Variants in OPHN1 observed in about 807,000 individuals in gnomAD.
OPHN1 encodes the protein oligophrenin 1.
In OPHN1, 11 loss-of-function variants were observed where a neutral mutation model predicts 60.7. The ratio of observed to expected loss-of-function variants is 0.18; its 90% CI spans 0.11 to 0.30. The LOEUF is 0.30. Ranked by LOEUF, OPHN1 falls within the 10% of genes least tolerant of loss-of-function variation. OPHN1 has a pLI of 1.00. For synonymous variants in OPHN1, 226 were observed against 222.6 expected, an observed-to-expected ratio of 1.02 and a Z score of -0.14; for missense variants, 449 against 611.0, an observed-to-expected ratio of 0.73 and a Z score of 2.80.
In OPHN1 at chrX:68,182,764, T is replaced by C. The variant is rs758115232; in HGVS notation, c.1276+10155A>G. 8.1e-5 allele frequency among the ~76,000 whole-genome samples: 9 copies of C among 110,956 alleles called. No individual in the cohort carries two copies. The South Asian group carries it at 3.5e-3, about 43-fold the overall frequency. On this transcript the variant is annotated intron_variant, in intron 15 of 24. Transcript: ENST00000355520. Reference sequence around the variant, plus strand: ...TGTTTCTACCAAAAAATACAAAAATTATCCAGGCCTGGTGGCGGGTGCCTG... The same window carrying C: ...TGTTTCTACCAAAAAATACAAAAATCATCCAGGCCTGGTGGCGGGTGCCTG...
chrX:68,063,213 A>C (rs555669040), intron 21 of OPHN1, among the ~76,000 whole-genome samples: 75 of 111,034 alleles, frequency 6.8e-4, no homozygotes, highest in Middle Eastern at 4.7e-3. Context: ...AACAAACAAA[A>C]AAAAAAACAG....
At chrX:68,133,128 G>T (rs778566946) in intron 15 of OPHN1, 71 of 608,979 alleles carry the variant, frequency 1.2e-4, no homozygotes, top group Non-Finnish European at 1.6e-4. Flanking sequence ...CGTTATCAGA[G>T]GTGGAGACAT....
At chrX:68,165,337 A>C (rs775410912) in intron 15 of OPHN1, among the ~76,000 whole-genome samples, 2 of 111,682 alleles carry the variant, frequency 1.8e-5, no homozygotes, top group African/African-American at 6.5e-5. Flanking sequence ...CATTTCATTT[A>C]AAGTGAGAGA....
At chrX:68,333,990 C>T (rs926819751) in intron 2 of OPHN1, among the ~76,000 whole-genome samples, 2 of 107,950 alleles carry the variant, frequency 1.9e-5, no homozygotes, top group Non-Finnish European at 3.8e-5. Flanking sequence ...CTCTGCCTCC[C>T]GGGATCAAGC....
chrX:68,115,384 C>T (rs1315830446), intron 16 of OPHN1, among the ~76,000 whole-genome samples: 2 of 111,993 alleles, frequency 1.8e-5, no homozygotes, highest in African/African-American at 6.5e-5. Context: ...TTTCAGTTTT[C>T]AGTTGTTCTA....
chrX:68,370,943 C>T (rs1237660856), intron 2 of OPHN1, among the ~76,000 whole-genome samples: 3 of 111,235 alleles, frequency 2.7e-5, no homozygotes, highest in South Asian at 7.5e-4. Flanking sequence ...AGGCAGTAAT[C>T]GAGAAAATGA....
intron 2 of OPHN1, among the ~76,000 whole-genome samples, chrX:68,341,966 G>GTT (rs2078354408): frequency 1.0e-5 from 1 of 99,383 alleles, no homozygotes. Flanking sequence ...TTAATTTTTG[G>GTT]TGTTTTTTTT....
At chrX:68,117,596 G>A (rs1474112433) in intron 16 of OPHN1, among the ~76,000 whole-genome samples, 2 of 111,428 alleles carry the variant, frequency 1.8e-5, no homozygotes, top group Admixed American at 9.6e-5. Flanking sequence ...TTACATACTC[G>A]GAAAAAGAGC....
chrX:68,149,268 A>G (rs1054863224), intron 15 of OPHN1, among the ~76,000 whole-genome samples: 3 of 111,863 alleles, frequency 2.7e-5, no homozygotes, highest in African/African-American at 9.8e-5. Flanking sequence ...AGTCAAAATA[A>G]CAATTATCAC....
chrX:68,069,810 G>C (rs749250674), intron 20 of OPHN1, among the ~76,000 whole-genome samples: 2 of 111,101 alleles, frequency 1.8e-5, no homozygotes, highest in Non-Finnish European at 3.8e-5. Context: ...GCCTTGTGAA[G>C]TTCTGGAGGA....
intron 15 of OPHN1, among the ~76,000 whole-genome samples, chrX:68,166,495 C>T (rs1297779161): frequency 9.0e-6 from 1 of 111,589 alleles, no homozygotes; most frequent in Non-Finnish European, 1.9e-5. Context: ...AATTGCACCA[C>T]TGCACTCCAG....
chrX:68,274,794 C>A lies in OPHN1; in HGVS notation c.328G>T (p.Asp110Tyr). ...ERMMMVHNAS[D>Y]LLIKPLENFR... ...TTTTCCAAGGGTTTAATCAGCAAAT[C>A]ACTAGCATTGTGTACCTAGACAAAA... is the stretch of plus-strand genomic sequence containing the variant. Residue 110 changes from aspartate to tyrosine, a missense_variant, in exon 5 of 25, where the codon GAT becomes TAT. Asp to Tyr is a radical substitution (Grantham distance 160). Coordinates refer to ENST00000355520, the MANE Select transcript of OPHN1 (RefSeq NM_002547.3). 8.3e-7 allele frequency: 1 copy of A among 1,201,591 alleles called. No individual in the cohort carries two copies. The highest frequency in any genetic ancestry group is 1.8e-5 in the South Asian group (1 of 56,643).
chrX:68,280,841 T>A (rs1923522813), intron 4 of OPHN1, among the ~76,000 whole-genome samples: 1 of 111,320 alleles, frequency 9.0e-6, no homozygotes, highest in Non-Finnish European at 1.9e-5. Flanking sequence ...TTAAAATAAT[T>A]AGACTTCATA....
chrX:68,101,028 G>A (rs1279730582), intron 18 of OPHN1, among the ~76,000 whole-genome samples: 2 of 111,541 alleles, frequency 1.8e-5, no homozygotes, highest in Non-Finnish European at 3.8e-5. Flanking sequence ...TTACAGGCGT[G>A]AGCCACCGTG....
intron 2 of OPHN1, among the ~76,000 whole-genome samples, chrX:68,320,029 A>G (rs2078227963): frequency 1.8e-5 from 2 of 111,448 alleles, no homozygotes; most frequent in African/African-American, 3.3e-5. Context: ...AATAGTCAAC[A>G]TAAATAGCTG....
rs762777851 is a variant in OPHN1, at chrX:68,391,012, T to TC, written c.154+41854dup. Among the ~76,000 whole-genome samples, 163 of 111,557 alleles carry TC rather than the reference T, an allele frequency of 1.5e-3. 1 individual carries two copies. The highest frequency in any genetic ancestry group is 4.9e-3 in the African/African-American group (152 of 30,755). Reference sequence around the variant, plus strand: ...TCTAGCTACCAGAGGCTACACATATTCCTGTATCCTAGACAGCTACTTTTG... The same window carrying TC: ...TCTAGCTACCAGAGGCTACACATATTCCCTGTATCCTAGACAGCTACTTTTG... On this transcript the variant is annotated intron_variant, in intron 2 of 24. Transcript: ENST00000355520.
Position 68,113,120 on chromosome X carries a change from T to C in OPHN1, c.1420+61A>G. ...CTTCCCCTCAAACAATTTTCTAGGC[T>C]TATTGCAGTAAACATTAAGAAACTA... On this transcript the variant is annotated intron_variant, in intron 17 of 24. Transcript: ENST00000355520. The C allele has an allele frequency of 2.3e-5, 23 of 1,003,202 alleles. No individual in the cohort carries two copies. The South Asian group carries it at 4.5e-4, about 20-fold the overall frequency. The allele number at this position is 1,003,202 out of a possible 1,213,427, so 82.7% of individuals were successfully genotyped here.
At chrX:68,191,897 A>G (rs776652031) in intron 15 of OPHN1, among the ~76,000 whole-genome samples, 2 of 111,804 alleles carry the variant, frequency 1.8e-5, no homozygotes, top group African/African-American at 6.5e-5. Context: ...AGAAGACTCA[A>G]ATAAATCAAA....
At chrX:68,134,839 C>G (rs183935030) in intron 15 of OPHN1, among the ~76,000 whole-genome samples, 2 of 110,873 alleles carry the variant, frequency 1.8e-5, no homozygotes, top group Admixed American at 9.6e-5. Flanking sequence ...ACCGCCTGCC[C>G]GAAGTCACAT....
Sources: gnomAD v4.1 joint callset for allele counts (sites outside exome capture counted in the v4.1 genomes callset) on GRCh38, gnomAD v4.1.1 for gene constraint, MANE v1.5 for transcripts, NCBI Gene and HGNC (gene_info 2026-07-23, HGNC 2026-07-21) for gene names.